KIF6: variants seen among roughly 807,000 people sequenced by gnomAD.
KIF6 encodes kinesin family member 6, also known as kinesin-like protein KIF6.
KIF6 carries 106 observed loss-of-function variants against 112.7 expected under a neutral mutation model. The observed-to-expected ratio is 0.94, with a 90% CI of 0.80 to 1.11. The LOEUF (loss-of-function observed/expected upper bound fraction) is 1.11, where lower values mean the gene tolerates loss of function less well. KIF6 is among the 50% of genes least tolerant of loss of function. The pLI is 0.00. For synonymous variants in KIF6, 339 were observed against 339.9 expected, an observed-to-expected ratio of 1.00 and a Z score of 0.03; for missense variants, 929 against 964.0, an observed-to-expected ratio of 0.96 and a Z score of 0.48.
At chr6:39,480,388 C>A (rs950603017) in intron 13 of KIF6, among the ~76,000 whole-genome samples, 61 of 152,126 alleles carry the variant, frequency 4.0e-4, no homozygotes, top group African/African-American at 1.4e-3. Context: ...ATCCTTGCAT[C>A]CCTGGTATGA....
intron 13 of KIF6, among the ~76,000 whole-genome samples, chr6:39,475,723 G>A (rs973636249): frequency 7.2e-5 from 11 of 152,170 alleles, no homozygotes; most frequent in African/African-American, 2.7e-4. Context: ...TGTGGAGGTA[G>A]CTCTCATTCT....
At chr6:39,444,038 A>T (rs1398215988) in intron 13 of KIF6, among the ~76,000 whole-genome samples, 3 of 152,224 alleles carry the variant, frequency 2.0e-5, no homozygotes, top group African/African-American at 7.2e-5. Flanking sequence ...GCTGATGCTT[A>T]TTGAGAACTT....
At chr6:39,529,143 T>C (rs1582058335) in intron 13 of KIF6, among the ~76,000 whole-genome samples, 1 of 152,312 alleles carries the variant, frequency 6.6e-6, no homozygotes, top group East Asian at 1.9e-4. Context: ...TCTCACACCA[T>C]ATTCAGAAAT....
intron 21 of KIF6, among the ~76,000 whole-genome samples, chr6:39,345,172 T>C (rs996767534): frequency 1.3e-5 from 2 of 152,276 alleles, no homozygotes; most frequent in Non-Finnish European, 2.9e-5. Flanking sequence ...GGGCTGGCCA[T>C]TCCCGCAGGT....
At position 39,573,017 on chromosome 6, in the gene KIF6, G is replaced by A. The variant is rs16892275; in HGVS notation, c.1181+5039C>T. ...CACAATTCATACTAGATAAAATACCGTATCTACTAAATATCTGCTTTCTGA... is the reference window on the plus strand; with the variant it reads ...CACAATTCATACTAGATAAAATACCATATCTACTAAATATCTGCTTTCTGA... On this transcript the variant is annotated intron_variant, in intron 10 of 22. Transcript: ENST00000287152. Among the ~76,000 whole-genome samples, 726 of 149,804 alleles carry A rather than the reference G, an allele frequency of 4.8e-3. 15 individuals are homozygous for A. In the East Asian group the frequency reaches 0.068, roughly 14 times the overall value.
intron 5 of KIF6, among the ~76,000 whole-genome samples, chr6:39,622,404 C>G (rs1316424513): frequency 2.6e-5 from 4 of 151,964 alleles, no homozygotes; most frequent in Non-Finnish European, 4.4e-5. Flanking sequence ...TATAATGTAT[C>G]AATCTTTTCT....
chr6:39,567,834 C>G (rs1448620426), intron 10 of KIF6, among the ~76,000 whole-genome samples: 2 of 152,112 alleles, frequency 1.3e-5, no homozygotes, highest in Non-Finnish European at 2.9e-5. Flanking sequence ...GTCTCGATCT[C>G]CTGACCTCGT....
intron 13 of KIF6, among the ~76,000 whole-genome samples, chr6:39,521,537 C>T (rs1167627027): frequency 6.6e-6 from 1 of 152,170 alleles, no homozygotes; most frequent in Non-Finnish European, 1.5e-5. Context: ...TGGAGCCACA[C>T]TGGGTTGTCA....
intron 6 of KIF6, among the ~76,000 whole-genome samples, chr6:39,608,525 C>G (rs1259316748): frequency 1.3e-5 from 2 of 152,122 alleles, no homozygotes; most frequent in African/African-American, 4.8e-5. Context: ...ATATCACTTT[C>G]GCACCATTTA....
chr6:39,557,669 T>TA (rs1220693401), intron 10 of KIF6, among the ~76,000 whole-genome samples: 1 of 151,626 alleles, frequency 6.6e-6, no homozygotes, highest in Non-Finnish European at 1.5e-5. Flanking sequence ...TTTGTATATA[T>TA]TTTTTTTGGA....
At chr6:39,492,558 G>A (rs1775535272) in intron 13 of KIF6, among the ~76,000 whole-genome samples, 1 of 152,216 alleles carries the variant, frequency 6.6e-6, no homozygotes, top group Non-Finnish European at 1.5e-5. Flanking sequence ...TGACTCCCAA[G>A]AAGTGGAGCT....
intron 13 of KIF6, among the ~76,000 whole-genome samples, chr6:39,538,533 G>C (rs1778584783): frequency 6.6e-6 from 1 of 152,114 alleles, no homozygotes; most frequent in South Asian, 2.1e-4. Flanking sequence ...TCTTACAACA[G>C]TTAGAATGGC....
intron 18 of KIF6, among the ~76,000 whole-genome samples, chr6:39,359,799 A>G (rs1462882184): frequency 6.6e-6 from 1 of 152,170 alleles, no homozygotes; most frequent in African/African-American, 2.4e-5. Flanking sequence ...GGGTCTTGCC[A>G]TGTTAACCAG....
chr6:39,550,339 GGGCA>G, intron 10 of KIF6, among the ~76,000 whole-genome samples: 1 of 152,118 alleles, frequency 6.6e-6, no homozygotes, highest in South Asian at 2.1e-4. Context: ...ACCTAACCCA[GGGCA>G]TGGAAATGCT....
At chr6:39,633,985 T>C (rs1468876842) in intron 5 of KIF6, among the ~76,000 whole-genome samples, 1 of 152,198 alleles carries the variant, frequency 6.6e-6, no homozygotes, top group Admixed American at 6.5e-5. Flanking sequence ...GTCAATAGCC[T>C]ATTTCTTCGA....
intron 13 of KIF6, among the ~76,000 whole-genome samples, chr6:39,480,486 T>C (rs1354078915): frequency 1.3e-5 from 2 of 152,182 alleles, no homozygotes; most frequent in Non-Finnish European, 2.9e-5. Context: ...TGCATCTATG[T>C]CCATCAGGAA....
intron 13 of KIF6, among the ~76,000 whole-genome samples, chr6:39,536,770 A>G (rs2150555479): frequency 6.6e-6 from 1 of 152,238 alleles, no homozygotes; most frequent in South Asian, 2.1e-4. Flanking sequence ...CAAAAAAGAG[A>G]ATTTTAGACC....
rs906601551 is a variant in KIF6, at chr6:39,370,049, A to T, written c.1862-7531T>A. On this transcript the variant is annotated intron_variant, in intron 16 of 22. Transcript: ENST00000287152. Reference sequence around the variant, plus strand: ...TCCACTGTGACTTTCTCTCTCCTCCATTGGAAGTGTGCCTGAAGTTCTGAA... The same window carrying T: ...TCCACTGTGACTTTCTCTCTCCTCCTTTGGAAGTGTGCCTGAAGTTCTGAA... Among the ~76,000 whole-genome samples the T allele has an allele frequency of 2.0e-5, 3 of 152,002 alleles. 1 individual carries two copies. The highest frequency in any genetic ancestry group is 1.3e-4 in the Admixed American group (2 of 15,278).
chr6:39,583,071 A>G (rs1781382462), intron 9 of KIF6: 1 of 245,684 alleles, frequency 4.1e-6, no homozygotes, highest in Non-Finnish European at 8.4e-6. Flanking sequence ...CAAACACATA[A>G]TAATGTTTAC....
Sources: allele counts gnomAD v4.1 joint callset (sites outside exome capture counted in the v4.1 genomes callset), GRCh38; gene constraint gnomAD v4.1.1; transcripts MANE v1.5; gene names NCBI Gene and HGNC (gene_info 2026-07-23, HGNC 2026-07-21).